DNPEP: variants seen among roughly 807,000 people sequenced by gnomAD.
DNPEP encodes the protein aspartyl aminopeptidase.
DNPEP carries 46 observed loss-of-function variants against 59.1 expected under a neutral mutation model. That is an observed-to-expected ratio of 0.78 (90% CI 0.61 to 0.99). The LOEUF is 0.99. Ranked by LOEUF, DNPEP falls within the 50% of genes least tolerant of loss-of-function variation. The pLI is 0.00. For synonymous variants in DNPEP, 229 were observed against 242.2 expected (o/e 0.95, Z 0.50); for missense variants, 617 against 649.9 (o/e 0.95, Z 0.55).
Position 219,378,376 on chromosome 2 carries a change from C to T in DNPEP, c.1239+2959G>A, listed in dbSNP as rs188902825. On this transcript the variant is annotated intron_variant, in intron 13 of 14. Transcript: ENST00000273075. ...CCCCTTGGGGCCTTTCTACTTGTGC[C>T]CTCTGGCTGGGACCCTCCCATAGCT... is the stretch of plus-strand genomic sequence containing the variant. Among the ~76,000 whole-genome samples, 35 of 152,300 alleles carry T rather than the reference C, an allele frequency of 2.3e-4. No individual in the cohort carries two copies. In the East Asian group the frequency reaches 5.2e-3, roughly 23 times the overall value.
At chr2:219,397,532 T>C (rs570697550) in intron 1 of DNPEP, among the ~76,000 whole-genome samples, 79 of 152,240 alleles carry the variant, frequency 5.2e-4, no homozygotes, top group Admixed American at 3.1e-3. Flanking sequence ...GGAATAGGTT[T>C]GGGGAACAAG....
intron 13 of DNPEP, among the ~76,000 whole-genome samples, chr2:219,379,356 C>A (rs542980867): frequency 1.3e-5 from 2 of 152,122 alleles, no homozygotes; most frequent in Non-Finnish European, 2.9e-5. Context: ...TCCCTGAAGA[C>A]CTTCCAGTGA....
intron 13 of DNPEP, among the ~76,000 whole-genome samples, chr2:219,378,452 A>C (rs186984493): frequency 6.0e-4 from 92 of 152,322 alleles, no homozygotes; most frequent in Non-Finnish European, 1.0e-3. Flanking sequence ...TCCTCAGAGA[A>C]GGCTTCCTGG....
At chr2:219,383,261 C>T (rs1559336843) in intron 9 of DNPEP, 47 bp from the exon 10 acceptor site, 1 of 1,570,698 alleles carries the variant, frequency 6.4e-7, no homozygotes. Flanking sequence ...CCTGCTTCTG[C>T]TGGAACTCAG....
intron 14 of DNPEP, 40 bp downstream of exon 14, chr2:219,374,815 A>G: frequency 1.3e-6 from 2 of 1,597,642 alleles, no homozygotes; most frequent in Non-Finnish European, 1.7e-6. Flanking sequence ...CTAGAGGGGA[A>G]GCAGCCCAGC....
intron 10 of DNPEP, 80 bp downstream of exon 10, chr2:219,383,051 G>A: frequency 7.3e-7 from 1 of 1,363,528 alleles, no homozygotes; most frequent in Non-Finnish European, 1.0e-6. Context: ...AAGAGCCCTG[G>A]CTCACGGTGG....
intron 1 of DNPEP, among the ~76,000 whole-genome samples, chr2:219,396,093 A>G (rs1163841341): frequency 5.3e-5 from 8 of 152,176 alleles, no homozygotes; most frequent in African/African-American, 1.9e-4. Context: ...ACAAAATTAT[A>G]GAGATGGAGA....
At chr2:219,389,398 G>C (rs2125148621), upstream of DNPEP, among the ~76,000 whole-genome samples, 2 of 151,898 alleles carry the variant, frequency 1.3e-5, no homozygotes, top group Admixed American at 1.3e-4. Flanking sequence ...GGGGTGGGGA[G>C]TGACAGGGTG....
upstream of DNPEP, chr2:219,388,642 G>C (rs375241535): frequency 3.7e-4 from 361 of 968,128 alleles, 2 homozygotes; most frequent in African/African-American, 4.8e-3. Flanking sequence ...AGCCGCGGAC[G>C]GCCCGCCTCC....
At chr2:219,390,910 T>C (rs114953280), upstream of DNPEP, among the ~76,000 whole-genome samples, 3,697 of 152,264 alleles carry the variant, frequency 0.024, 150 homozygotes, top group African/African-American at 0.082. Context: ...AAAAGATGGG[T>C]AATATCAAGT....
upstream of DNPEP, among the ~76,000 whole-genome samples, chr2:219,392,016 C>T (rs1235944220): frequency 6.6e-6 from 1 of 151,538 alleles, no homozygotes; most frequent in African/African-American, 2.4e-5. Context: ...ATTTATATTT[C>T]TAGATGTTAT....
chr2:219,380,791 T>C (rs1266500955), intron 13 of DNPEP, among the ~76,000 whole-genome samples: 3 of 150,772 alleles, frequency 2.0e-5, no homozygotes, highest in Non-Finnish European at 3.0e-5. Flanking sequence ...TATATGTGTA[T>C]ACACAATACT....
At chr2:219,394,949 A>C (rs1954072029) in intron 1 of DNPEP, among the ~76,000 whole-genome samples, 1 of 151,802 alleles carries the variant, frequency 6.6e-6, no homozygotes, top group East Asian at 1.9e-4. Flanking sequence ...AGAGCCAGCA[A>C]ACAAGACAAG....
In DNPEP at chr2:219,374,105, C is replaced by T. The variant is rs1368110248; in HGVS notation, c.*187G>A. 5.0e-6 allele frequency: 3 copies of T among 595,354 alleles called. No homozygotes were observed. The African/African-American group carries it at 5.6e-5, about 11-fold the overall frequency. The allele number at this position is 595,354 out of a possible 1,614,324, so 36.9% of individuals were successfully genotyped here. A position where few individuals can be genotyped will look rare whatever the true frequency, so the allele number is the denominator to read the frequency against. On this transcript the variant is annotated 3_prime_UTR_variant, in exon 15 of 15. Coordinates refer to ENST00000273075, the MANE Select transcript of DNPEP (RefSeq NM_012100.4). ...CAGCTCCCAGGAGTGTGGCCTCCTC[C>T]ACCTGCTCCCCAACTTTTCTGGTTC... is the stretch of plus-strand genomic sequence containing the variant.
rs1491135751 is a variant in DNPEP, at chr2:219,383,335, C to CT, written c.853-122dup. 9.2e-6 allele frequency: 7 copies of CT among 764,354 alleles called. No homozygotes were observed. The African/African-American group carries it at 1.0e-4, about 11-fold the overall frequency. 47.3% of individuals were successfully genotyped at this position (764,354 alleles called of 1,614,324 possible). On this transcript the variant is annotated intron_variant, in intron 9 of 14. Coordinates refer to ENST00000273075, the MANE Select transcript of DNPEP (RefSeq NM_012100.4). Reference sequence around the variant, plus strand: ...CAGCACCTTGGGTGTGCACATTCCCCTGTCTGCCTTCCATGGCCATGACTT... The same window carrying CT: ...CAGCACCTTGGGTGTGCACATTCCCCTTGTCTGCCTTCCATGGCCATGACTT...
chr2:219,379,434 G>A (rs1953498082), intron 13 of DNPEP, among the ~76,000 whole-genome samples: 1 of 152,022 alleles, frequency 6.6e-6, no homozygotes, highest in Non-Finnish European at 1.5e-5. Flanking sequence ...AGGCTAATGT[G>A]TATGTTTGTG....
rs1256853006 is a variant in DNPEP at position 219,372,672 on chromosome 2, A to G, written c.*1620T>C. Among the ~76,000 whole-genome samples, 1 of 152,010 alleles carries G rather than the reference A, an allele frequency of 6.6e-6. No individual in the cohort carries two copies. The highest frequency in any genetic ancestry group is 2.4e-5 in the African/African-American group (1 of 41,406). ...ATAAGCCACCGTGCCTGGCCATATA[A>G]TGTTTTGAAGGTACTCCTTGTCCTG... is the stretch of plus-strand genomic sequence containing the variant. On this transcript the variant is annotated 3_prime_UTR_variant, in exon 15 of 15. Coordinates refer to ENST00000273075, the MANE Select transcript of DNPEP (RefSeq NM_012100.4).
intron 14 of DNPEP, 89 bp from the exon 15 acceptor site, chr2:219,374,431 G>A: frequency 8.2e-7 from 1 of 1,221,808 alleles, no homozygotes. Context: ...ATATGTTCCA[G>A]CAAGAGAAGC....
intron 4 of DNPEP, 124 bp downstream of exon 4, chr2:219,386,541 C>T: frequency 6.8e-7 from 1 of 1,470,338 alleles, no homozygotes; most frequent in Non-Finnish European, 9.3e-7. Context: ...AAGGAAGGGG[C>T]CAACAAGTTT....
Sources: allele counts gnomAD v4.1 joint callset (sites outside exome capture counted in the v4.1 genomes callset), GRCh38; gene constraint gnomAD v4.1.1; transcripts MANE v1.5; gene names NCBI Gene and HGNC (gene_info 2026-07-23, HGNC 2026-07-21).